LY75: variants seen among roughly 807,000 people sequenced by gnomAD.
LY75 encodes the protein C-type lectin domain family 13 member B.
In LY75, 185 loss-of-function variants were observed where a neutral mutation model predicts 231.7. That is an observed-to-expected ratio of 0.80 (90% CI 0.71 to 0.90). The LOEUF (loss-of-function observed/expected upper bound fraction) is 0.90, where lower values mean the gene tolerates loss of function less well. Ranked by LOEUF, LY75 falls within the 40% of genes least tolerant of loss-of-function variation. The probability of loss-of-function intolerance (pLI) is 0.00; values close to 1 mark genes in which losing one functional copy is unlikely to be tolerated. For synonymous variants in LY75, 668 were observed against 689.0 expected, an observed-to-expected ratio of 0.97 and a Z score of 0.48; for missense variants, 1,947 against 2,050.2, an observed-to-expected ratio of 0.95 and a Z score of 0.97.
intron 31 of LY75, chr2:159,812,187 T>G (rs1682980944): frequency 6.6e-6 from 1 of 152,074 alleles, no homozygotes; most frequent in African/African-American, 2.4e-5. Flanking sequence ...CTGCCTTATC[T>G]TTGGTCTATT....
At position 159,840,766 on chromosome 2, in the gene LY75, T is replaced by C; in HGVS notation, c.3470A>G (p.His1157Arg). 1 of 1,614,050 alleles carries C rather than the reference T, an allele frequency of 6.2e-7. No homozygotes were observed. The highest frequency in any genetic ancestry group is 8.5e-7 in the Non-Finnish European group (1 of 1,179,958). The change falls in exon 25 of 35, where the codon CAC becomes CGC. Residue 1157 changes from histidine to arginine, a missense_variant. Physicochemically the swap from His to Arg is conservative, Grantham distance 29. Transcript: ENST00000263636. Reference protein sequence around the residue: ...QAFLSVQALLHNSSLWIGLFS... With the variant: ...QAFLSVQALLRNSSLWIGLFS... Reference sequence around the variant, plus strand: ...GAGTCCGATCCATAAGGAAGAGTTGTGAAGGAGCGCCTGCACACTGAGGAA... The same window carrying C: ...GAGTCCGATCCATAAGGAAGAGTTGCGAAGGAGCGCCTGCACACTGAGGAA...
intron 23 of LY75, among the ~76,000 whole-genome samples, chr2:159,843,537 A>G (rs1684106923): frequency 6.6e-6 from 1 of 151,984 alleles, no homozygotes; most frequent in Admixed American, 6.6e-5. Flanking sequence ...AAAGCTTTAA[A>G]TAAATTATCT....
chr2:159,817,052 T>G lies in LY75; in HGVS notation c.4154-20A>C. 1 of 1,556,670 alleles carries G rather than the reference T, an allele frequency of 6.4e-7. No homozygotes were observed. Among genetic ancestry groups the G allele is most frequent in the Non-Finnish European group, 8.7e-7 (1 of 1,149,406 alleles). The stretch of plus-strand genomic sequence containing the variant: ...AGTCAACTATAATAATTAAAAGCAC[T>G]GGTGATTAAAATTTAAATTATTTCA... On this transcript the variant is annotated intron_variant, in intron 29 of 34. Coordinates refer to ENST00000263636, the MANE Select transcript of LY75 (RefSeq NM_002349.4).
Position 159,894,037 on chromosome 2 carries a change from G to A in LY75, c.514C>T (p.Pro172Ser). Reference sequence around the variant, plus strand: ...TGCCAGGTCCCATCAATTAAGAATGGAAATTCACAAGGTCTCCCATAAGAG... The same window carrying A: ...TGCCAGGTCCCATCAATTAAGAATGAAAATTCACAAGGTCTCCCATAAGAG... The part of the protein sequence containing the change: ...GNSYGRPCEF[P>S]FLIDGTWHHD... The change falls in exon 3 of 35, where the codon CCA becomes TCA. Residue 172 changes from proline (P) to serine (S), a missense_variant. Transcript: ENST00000263636. 6.2e-7 allele frequency: 1 copy of A among 1,613,736 alleles called. No homozygotes were observed. Among genetic ancestry groups the A allele is most frequent in the Non-Finnish European group, 8.5e-7 (1 of 1,179,780 alleles).
At chr2:159,903,344 T>C (rs1461066552) in intron 1 of LY75, 2 of 152,226 alleles carry the variant, frequency 1.3e-5, no homozygotes. Context: ...ATTTTCACTG[T>C]AGTTAGTTGC....
chr2:159,865,530 G>T (rs1010834626), intron 13 of LY75, among the ~76,000 whole-genome samples: 1 of 152,078 alleles, frequency 6.6e-6, no homozygotes, highest in African/African-American at 2.4e-5. Flanking sequence ...AGAAGTATAA[G>T]ACCTACATCT....
At chr2:159,855,756 C>T (rs940749064) in intron 16 of LY75, among the ~76,000 whole-genome samples, 5 of 152,216 alleles carry the variant, frequency 3.3e-5, no homozygotes, top group Non-Finnish European at 7.3e-5. Flanking sequence ...CAGGGAAGTT[C>T]CCCATGGGAG....
At chr2:159,872,346 A>G in intron 13 of LY75, 105 bp downstream of exon 13, 2 of 1,438,630 alleles carry the variant, frequency 1.4e-6, no homozygotes, top group South Asian at 1.4e-5. Flanking sequence ...ATAATAAAAC[A>G]TGTCCATTTT....
At chr2:159,831,539 T>A in intron 28 of LY75, 131 bp downstream of exon 28, 1 of 964,036 alleles carries the variant, frequency 1.0e-6, no homozygotes, top group Non-Finnish European at 1.6e-6. Context: ...GGTATTTATG[T>A]AAGTTATGCT....
At position 159,810,552 on chromosome 2, in the gene LY75, TC is replaced by T. The variant is rs1682928278; in HGVS notation, c.4672del (p.Glu1558ArgfsTer18). 1 of 1,613,248 alleles carries T rather than the reference TC, an allele frequency of 6.2e-7. No individual in the cohort carries two copies. Among genetic ancestry groups the T allele is most frequent in the Non-Finnish European group, 8.5e-7 (1 of 1,179,774 alleles). On this transcript the variant is annotated frameshift_variant, in exon 32 of 35. Transcript: ENST00000263636. LOFTEE classifies it high-confidence loss of function. ...KSDQALHSFSEAKKLCSKHDH... is the reference protein window; with the variant it reads ...KSDQALHSFSXAKKLCSKHDH... ...ATGTTTTGAACACAATTTTTTGGCC[TC>T]TGAAAAACTGTGCAATGCCTGATCA...
chr2:159,842,268 A>C lies in LY75; in HGVS notation c.3257T>G (p.Val1086Gly). The change falls in exon 24 of 35, where the codon GTG (valine) becomes GGG (glycine). Residue 1086 changes from valine to glycine, a missense_variant. Transcript: ENST00000263636. ...NFTSCSERHF[V>G]SLCQKYSEVK... is the part of the protein sequence containing the mutation. ...ACCTGAATATTTCTGACAGAGAGAC[A>C]CAAAGTGGCGTTCACTGCAGGATGT... The C allele has an allele frequency of 6.2e-7, 1 of 1,612,048 alleles. No individual in the cohort carries two copies.
intron 25 of LY75, among the ~76,000 whole-genome samples, chr2:159,836,242 G>T (rs1374417388): frequency 2.0e-5 from 3 of 152,152 alleles, no homozygotes; most frequent in African/African-American, 7.2e-5. Context: ...GGAATTAATG[G>T]GATAACATGT....
intron 28 of LY75, among the ~76,000 whole-genome samples, chr2:159,826,491 T>C (rs1410333752): frequency 2.5e-5 from 3 of 122,222 alleles, no homozygotes; most frequent in Non-Finnish European, 4.0e-5. Context: ...TCCATGCTCA[T>C]GGATAGGTAG....
At chr2:159,828,002 C>T (rs7589038) in intron 28 of LY75, among the ~76,000 whole-genome samples, 15,655 of 151,730 alleles carry the variant, frequency 0.1, 2,780 homozygotes, top group African/African-American at 0.36. Flanking sequence ...AAATACCTAA[C>T]GTAGGTGACG....
Position 159,819,854 on chromosome 2 carries a change from G to C in LY75, c.4025C>G (p.Thr1342Ser). 6.2e-7 allele frequency: 1 copy of C among 1,614,062 alleles called. No homozygotes were observed. The highest frequency in any genetic ancestry group is 8.5e-7 in the Non-Finnish European group (1 of 1,179,986). Reference protein sequence around the residue: ...SYTHWRAGRPTIKNEKFLAGL... With the variant: ...SYTHWRAGRPSIKNEKFLAGL... ...AGCCAAAAACTTCTCATTTTTTATA[G>C]TTGGTCTTCCTGCTCTCCAATGTGT... The change falls in exon 29 of 35, where the codon ACT becomes AGT. Residue 1342 changes from threonine to serine, a missense_variant. Transcript: ENST00000263636.
intron 1 of LY75, 69 bp from the exon 2 acceptor site, chr2:159,899,128 G>C: frequency 6.4e-7 from 1 of 1,558,532 alleles, no homozygotes; most frequent in East Asian, 2.2e-5. Context: ...CTGCTGAGGA[G>C]AGTCTGAGCA....
At chr2:159,897,151 T>A (rs1470248847) in intron 2 of LY75, among the ~76,000 whole-genome samples, 2 of 152,122 alleles carry the variant, frequency 1.3e-5, no homozygotes, top group Non-Finnish European at 2.9e-5. Context: ...TATATTGAAA[T>A]GAAGACACTG....
intron 13 of LY75, 26 bp downstream of exon 13, chr2:159,872,425 A>G: frequency 6.2e-7 from 1 of 1,609,350 alleles, no homozygotes; most frequent in African/African-American, 1.3e-5. Context: ...AATTCAGCAT[A>G]GAAATTCTCA....
At chr2:159,856,079 G>A (rs1030540961) in intron 16 of LY75, among the ~76,000 whole-genome samples, 1 of 152,158 alleles carries the variant, frequency 6.6e-6, no homozygotes, top group African/African-American at 2.4e-5. Context: ...ATTTGTGTGT[G>A]GGGGAGGGAA....
Sources: allele counts gnomAD v4.1 joint callset (sites outside exome capture counted in the v4.1 genomes callset), GRCh38; gene constraint gnomAD v4.1.1; transcripts MANE v1.5; gene names NCBI Gene and HGNC (gene_info 2026-07-23, HGNC 2026-07-21).